The following TNRC6C variants were observed in gnomAD, a reference collection of about 807,000 sequenced individuals.
TNRC6C encodes the protein trinucleotide repeat containing adaptor 6C, also known as trinucleotide repeat-containing gene 6C protein.
A neutral mutation model predicts 153.7 loss-of-function variants in TNRC6C; 20 were observed. That is an observed-to-expected ratio of 0.13 (90% CI 0.09 to 0.19). The LOEUF is 0.19. Ranked by LOEUF, TNRC6C falls within the 10% of genes least tolerant of loss-of-function variation. TNRC6C has a pLI of 1.00. For missense variants in TNRC6C, 1,987 were observed against 2,172.0 expected (o/e 0.91, Z 1.69); for synonymous variants, 811 against 841.4 (o/e 0.96, Z 0.63).
intron 2 of TNRC6C, among the ~76,000 whole-genome samples, chr17:78,043,915 A>G (rs536026800): frequency 6.6e-6 from 1 of 152,272 alleles, no homozygotes; most frequent in Admixed American, 6.5e-5. Context: ...TTTATGGCTG[A>G]ACAGTATTCC....
chr17:78,061,438 C>T (rs1385895095), intron 3 of TNRC6C, among the ~76,000 whole-genome samples: 1 of 152,144 alleles, frequency 6.6e-6, no homozygotes, highest in African/African-American at 2.4e-5. Context: ...CTTCTAGAAC[C>T]TTTAGAGTGT....
chr17:77,994,618 T>C (rs957789695), intron 1 of TNRC6C, among the ~76,000 whole-genome samples: 1 of 152,258 alleles, frequency 6.6e-6, no homozygotes, highest in African/African-American at 2.4e-5. Context: ...ATCACTTCAG[T>C]GACAGACCAA....
At chr17:78,039,329 A>G (rs553008231) in intron 2 of TNRC6C, among the ~76,000 whole-genome samples, 13 of 77,694 alleles carry the variant, frequency 1.7e-4, no homozygotes, top group Non-Finnish European at 2.9e-4. Context: ...CCCACTCCCT[A>G]CCTCTTACCA....
At chr17:77,968,434 C>T (rs1473719983) in intron 1 of TNRC6C, among the ~76,000 whole-genome samples, 1 of 151,946 alleles carries the variant, frequency 6.6e-6, no homozygotes, top group African/African-American at 2.4e-5. Context: ...CTCCGCCTCC[C>T]GGGTTCAAGC....
rs1417760272 is a variant in TNRC6C, at chr17:78,051,349, A to G, written c.2287A>G (p.Thr763Ala). 4 of 1,551,288 alleles carry G rather than the reference A, an allele frequency of 2.6e-6. No homozygotes were observed. The South Asian group carries it at 4.8e-5, about 18-fold the overall frequency. ...CAGTACCACGACCAATACCACCACC[A>G]CCACCACCACTACCACGAGCAACAC... The change falls in exon 3 of 20, where the codon ACC becomes GCC. Residue 763 changes from threonine to alanine, a missense_variant. By Grantham distance (58) the Thr-to-Ala change is moderately conservative (BLOSUM62 0). Around this residue, in one of 4 missense-constraint regions of TNRC6C, gnomAD observed 1,052 missense variants for 1,017.0 expected, o/e 1.03. Coordinates refer to ENST00000301624, the Ensembl canonical transcript of TNRC6C.
chr17:78,070,415 A>G (rs1311306331), intron 5 of TNRC6C, among the ~76,000 whole-genome samples: 2 of 152,174 alleles, frequency 1.3e-5, no homozygotes, highest in Non-Finnish European at 1.5e-5. Context: ...ATATTGTAAT[A>G]ATGCATCATT....
chr17:78,026,275 C>G (rs1192976920), intron 1 of TNRC6C, among the ~76,000 whole-genome samples: 1 of 152,178 alleles, frequency 6.6e-6, no homozygotes, highest in Admixed American at 6.5e-5. Flanking sequence ...ATAACATACA[C>G]AATGCTGAGT....
At chr17:78,081,247 A>G (rs1316904611) in intron 10 of TNRC6C, among the ~76,000 whole-genome samples, 6 of 151,856 alleles carry the variant, frequency 4.0e-5, no homozygotes, top group Non-Finnish European at 5.9e-5. Context: ...CACCACAATT[A>G]GGGTTTGGGT....
chr17:78,005,399 A>G (rs16970740), intron 1 of TNRC6C, among the ~76,000 whole-genome samples: 3,356 of 152,280 alleles, frequency 0.022, 136 homozygotes, highest in African/African-American at 0.077. Flanking sequence ...CAACCAAAGG[A>G]TATCTGCATT....
exon 3 of TNRC6C, chr17:78,050,427 G>T (rs1339052916): frequency 6.2e-7 from 1 of 1,614,032 alleles, no homozygotes; most frequent in East Asian, 2.2e-5. Flanking sequence ...CTCCTGTAAA[G>T]CAAAACACTG....
At chr17:78,092,693 C>T (rs915663164) in intron 14 of TNRC6C, among the ~76,000 whole-genome samples, 4 of 152,092 alleles carry the variant, frequency 2.6e-5, no homozygotes, top group African/African-American at 9.7e-5. Context: ...CTGATCACAT[C>T]ACTACACTCC....
At chr17:78,056,457 C>T (rs1290420478) in intron 3 of TNRC6C, among the ~76,000 whole-genome samples, 1 of 151,064 alleles carries the variant, frequency 6.6e-6, no homozygotes, top group Non-Finnish European at 1.5e-5. Context: ...CATGGCCGGC[C>T]CAGAAACTAC....
At chr17:78,040,588 A>G (rs943081389) in intron 2 of TNRC6C, among the ~76,000 whole-genome samples, 4 of 152,186 alleles carry the variant, frequency 2.6e-5, no homozygotes, top group African/African-American at 9.6e-5. Flanking sequence ...AGGGAGAAAG[A>G]AGGAGCGGAA....
intron 1 of TNRC6C, among the ~76,000 whole-genome samples, chr17:78,007,563 T>G (rs947778448): frequency 1.3e-5 from 2 of 152,222 alleles, no homozygotes; most frequent in Non-Finnish European, 2.9e-5. Context: ...TTTCCTAACA[T>G]TCTAGCATTT....
intron 2 of TNRC6C, among the ~76,000 whole-genome samples, chr17:78,035,929 T>C (rs1158689836): frequency 1.3e-5 from 2 of 152,166 alleles, no homozygotes; most frequent in Non-Finnish European, 2.9e-5. Flanking sequence ...TACTTTAATC[T>C]GTCACTTTAA....
exon 3 of TNRC6C, chr17:78,050,568 T>G: frequency 6.2e-7 from 1 of 1,609,104 alleles, no homozygotes; most frequent in Non-Finnish European, 8.5e-7. Context: ...ACAGTACAAA[T>G]ACCTCTTCAG....
intron 1 of TNRC6C, among the ~76,000 whole-genome samples, chr17:78,029,836 C>T (rs1228513112): frequency 2.1e-5 from 3 of 145,822 alleles, no homozygotes; most frequent in Admixed American, 6.9e-5. Flanking sequence ...CACACACACA[C>T]ATAAGCCAAG....
At chr17:77,988,219 A>G (rs981984564) in intron 1 of TNRC6C, among the ~76,000 whole-genome samples, 2 of 152,132 alleles carry the variant, frequency 1.3e-5, no homozygotes, top group Non-Finnish European at 2.9e-5. Flanking sequence ...ACAAAAAATT[A>G]AAAAACTAAA....
intron 11 of TNRC6C, among the ~76,000 whole-genome samples, chr17:78,084,323 GAAAA>G (rs1238748774): frequency 1.0e-5 from 1 of 97,872 alleles, no homozygotes; most frequent in Non-Finnish European, 2.2e-5. Flanking sequence ...TCATGAAGGA[GAAAA>G]AAAAAAAAAA....
Sources: gnomAD v4.1 joint callset for allele counts (sites outside exome capture counted in the v4.1 genomes callset) on GRCh38, gnomAD v4.1.1 for gene constraint, gnomAD v4.1.1 regional missense constraint, MANE v1.5 for transcripts, NCBI Gene and HGNC (gene_info 2026-07-23, HGNC 2026-07-21) for gene names.